IKBKB: variants seen among roughly 807,000 people sequenced by gnomAD.
IKBKB encodes inhibitor of nuclear factor kappa B kinase subunit beta.
In IKBKB, 42 loss-of-function variants were observed where a neutral mutation model predicts 113.6. The observed-to-expected ratio is 0.37, with a 90% CI of 0.29 to 0.48. The LOEUF is 0.48. Ranked by LOEUF, IKBKB falls within the 20% of genes least tolerant of loss-of-function variation. The pLI is 0.99. For missense variants in IKBKB, 673 were observed against 939.7 expected, an observed-to-expected ratio of 0.72 and a Z score of 3.71; for synonymous variants, 296 against 361.3, an observed-to-expected ratio of 0.82 and a Z score of 2.05.
At chr8:42,305,687 C>T (rs1816367807) in intron 6 of IKBKB, among the ~76,000 whole-genome samples, 2 of 152,222 alleles carry the variant, frequency 1.3e-5, no homozygotes, top group South Asian at 4.1e-4. Context: ...GCCTCTGCTG[C>T]CAAGCCTGGT....
intron 11 of IKBKB, chr8:42,317,127 G>A (rs980530748): frequency 3.5e-5 from 21 of 605,864 alleles, no homozygotes; most frequent in East Asian, 5.8e-5. Flanking sequence ...CTCCAAGACC[G>A]GTCTCTTGCC....
In IKBKB at chr8:42,331,050, C is replaced by T. The variant is rs978756860; in HGVS notation, c.*71C>T. 1 of 1,591,848 alleles carries T rather than the reference C, an allele frequency of 6.3e-7. No individual in the cohort carries two copies. Among genetic ancestry groups the T allele is most frequent in the African/African-American group, 1.3e-5 (1 of 74,620 alleles). ...CTTGTGCAGTGGGGGGACTCGACCCCCTGACATGGGGCTGCCTGGAGCAGG... is the reference window on the plus strand; with the variant it reads ...CTTGTGCAGTGGGGGGACTCGACCCTCTGACATGGGGCTGCCTGGAGCAGG... On this transcript the variant is annotated 3_prime_UTR_variant, in exon 22 of 22. Coordinates refer to ENST00000520810, the MANE Select transcript of IKBKB (RefSeq NM_001556.3).
chr8:42,285,613 G>C (rs1425652449), intron 2 of IKBKB, among the ~76,000 whole-genome samples: 2 of 152,198 alleles, frequency 1.3e-5, no homozygotes, highest in African/African-American at 4.8e-5. Context: ...CTCTTGTTCA[G>C]AGAGCGCCTC....
chr8:42,319,560 T>C, intron 14 of IKBKB, 25 bp from the exon 15 acceptor site: 2 of 1,583,880 alleles, frequency 1.3e-6, no homozygotes, highest in Non-Finnish European at 8.6e-7. Context: ...TTTTGTTTTG[T>C]TTTTCCTTCT....
At chr8:42,330,460 A>G (rs900248420) in intron 21 of IKBKB, 3 of 223,150 alleles carry the variant, frequency 1.3e-5, no homozygotes, top group South Asian at 1.6e-4. Context: ...TGCTGGAACT[A>G]TAGGCATGAG....
intron 5 of IKBKB, among the ~76,000 whole-genome samples, chr8:42,295,877 G>T (rs1391427982): frequency 6.6e-6 from 1 of 152,174 alleles, no homozygotes; most frequent in Non-Finnish European, 1.5e-5. Flanking sequence ...AGTTACTATT[G>T]ACTTGTGTGG....
chr8:42,298,130 A>G (rs1814298105), intron 5 of IKBKB: 1 of 985,264 alleles, frequency 1.0e-6, no homozygotes, highest in Non-Finnish European at 1.2e-6. Context: ...CCTTTGGAAA[A>G]CATTGGCATG....
At chr8:42,298,446 T>G (rs551526017) in intron 5 of IKBKB, 1 of 985,408 alleles carries the variant, frequency 1.0e-6, no homozygotes, top group East Asian at 1.1e-4. Flanking sequence ...GAGAAAACAT[T>G]TGGCTTTGGG....
intron 15 of IKBKB, chr8:42,319,962 A>G: frequency 6.6e-6 from 2 of 301,062 alleles, no homozygotes; most frequent in Non-Finnish European, 1.2e-5. Context: ...GATGATCAAC[A>G]CTCCCTCTTG....
At chr8:42,319,006 TC>T in intron 13 of IKBKB, 3 of 560,474 alleles carry the variant, frequency 5.4e-6, no homozygotes, top group Non-Finnish European at 9.5e-6. Context: ...ACTTACGGAC[TC>T]TTTCCTCATT....
At chr8:42,311,324 A>T (rs986298858) in intron 8 of IKBKB, among the ~76,000 whole-genome samples, 47 of 152,332 alleles carry the variant, frequency 3.1e-4, no homozygotes, top group African/African-American at 1.1e-3. Context: ...GCAGTTTGGG[A>T]GGCCAAGATG....
At chr8:42,305,010 A>AGCAC in intron 5 of IKBKB, among the ~76,000 whole-genome samples, 177 bp from the exon 6 acceptor site, 1 of 152,242 alleles carries the variant, frequency 6.6e-6, no homozygotes, top group Non-Finnish European at 1.5e-5. Flanking sequence ...AGTAAGCCAG[A>AGCAC]TTCCTGTGGA....
chr8:42,279,924 C>T (rs1375501311), intron 2 of IKBKB, among the ~76,000 whole-genome samples: 1 of 152,212 alleles, frequency 6.6e-6, no homozygotes, highest in Non-Finnish European at 1.5e-5. Flanking sequence ...TCAGGGCTCA[C>T]TGTAGCCTTG....
chr8:42,291,846 G>A (rs1257209071), intron 4 of IKBKB, among the ~76,000 whole-genome samples: 2 of 152,128 alleles, frequency 1.3e-5, no homozygotes, highest in South Asian at 2.1e-4. Context: ...GTGGGAGGAT[G>A]GCTTAAGCCT....
chr8:42,326,015 G>A lies in IKBKB; in HGVS notation c.2032G>A (p.Ala678Thr), dbSNP rs762749127. The A allele has an allele frequency of 6.2e-7, 1 of 1,614,236 alleles. No individual in the cohort carries two copies. Among genetic ancestry groups the A allele is most frequent in the South Asian group, 1.1e-5 (1 of 91,090 alleles). Residue 678 changes from alanine (A) to threonine (T), a missense_variant, in exon 20 of 22, where the codon GCC becomes ACC. Coordinates refer to ENST00000520810, the MANE Select transcript of IKBKB (RefSeq NM_001556.3). Reference protein sequence around the residue: ...PVSGSPDSMNASRLSQPGQLM... With the variant: ...PVSGSPDSMNTSRLSQPGQLM... ...CAGTGGAAGCCCGGATAGCATGAAT[G>A]CCTCTCGACTTAGCCAGCCTGGGCA...
chr8:42,327,065 A>C (rs1045328140), intron 20 of IKBKB, among the ~76,000 whole-genome samples: 2 of 152,210 alleles, frequency 1.3e-5, no homozygotes, highest in African/African-American at 4.8e-5. Flanking sequence ...TAAATACGCG[A>C]AAACCCTTGA....
chr8:42,293,687 C>A, intron 5 of IKBKB, 175 bp downstream of exon 5: 2 of 964,596 alleles, frequency 2.1e-6, no homozygotes, highest in Non-Finnish European at 3.1e-6. Context: ...AGGAGTCAGC[C>A]AGACAGATGC....
Position 42,309,037 on chromosome 8 carries a change from C to T in IKBKB, c.692+12C>T, listed in dbSNP as rs201192960. 38 of 1,611,600 alleles carry T rather than the reference C, an allele frequency of 2.4e-5. No homozygotes were observed. Among genetic ancestry groups the T allele is most frequent in the African/African-American group, 6.7e-5 (5 of 75,024 alleles). On this transcript the variant is annotated intron_variant, in intron 8 of 21. Coordinates refer to ENST00000520810, the MANE Select transcript of IKBKB (RefSeq NM_001556.3). ...CAGCCCGTGCAGTGGTGAGTGGGCC[C>T]GGGGCACCTGGATGGAGGAGGGAGC...
intron 5 of IKBKB, 73 bp downstream of exon 5, chr8:42,293,585 C>A (rs963387182): frequency 6.2e-7 from 1 of 1,612,348 alleles, no homozygotes; most frequent in African/African-American, 1.3e-5. Flanking sequence ...CCCTGCGGAG[C>A]CCTGCAGGCA....
Sources: gnomAD v4.1 joint callset for allele counts (sites outside exome capture counted in the v4.1 genomes callset) on GRCh38, gnomAD v4.1.1 for gene constraint, MANE v1.5 for transcripts, NCBI Gene and HGNC (gene_info 2026-07-23, HGNC 2026-07-21) for gene names.